The following CACNA1A variants were observed in gnomAD, a reference collection of about 807,000 sequenced individuals.
The protein encoded by CACNA1A is calcium voltage-gated channel subunit alpha1 A, also known as voltage-dependent P/Q-type calcium channel subunit alpha-1A.
CACNA1A carries 57 observed loss-of-function variants against 262.4 expected under a neutral mutation model. The observed-to-expected ratio is 0.22, with a 90% CI of 0.18 to 0.27. CACNA1A has a LOEUF of 0.27. Ranked by LOEUF, CACNA1A falls within the 10% of genes least tolerant of loss-of-function variation. CACNA1A has a pLI of 1.00. For missense variants in CACNA1A, 2,526 were observed against 3,562.8 expected, an observed-to-expected ratio of 0.71 and a Z score of 7.41; for synonymous variants, 1,431 against 1,419.3, an observed-to-expected ratio of 1.01 and a Z score of -0.18.
intron 31 of CACNA1A, among the ~76,000 whole-genome samples, chr19:13,237,986 T>C (rs373714370): frequency 3.9e-5 from 6 of 152,118 alleles, no homozygotes; most frequent in African/African-American, 9.6e-5. Context: ...CTTGCAACCA[T>C]GCAAAAAAGC....
rs1050269759 is a variant in CACNA1A, at chr19:13,214,691, C to T, written c.5732-83G>A. ...GGTCAGCTGCAAAGCCATAGGCTCC[C>T]GAGAACGAGACCCCAATCTTTCTGG... On this transcript the variant is annotated intron_variant, in intron 38 of 46. Transcript: ENST00000360228. This position sits in a 1 kb window ranked among gnomAD's most constrained non-coding sequence, Gnocchi z 4.1. 3.6e-4 allele frequency: 379 copies of T among 1,052,938 alleles called. 2 individuals carry two copies. The highest frequency in any genetic ancestry group is 5.0e-4 in the Non-Finnish European group (348 of 697,196). 65.2% of individuals were successfully genotyped at this position (1,052,938 alleles called of 1,614,324 possible).
chr19:13,493,382 T>C (rs962077237), intron 1 of CACNA1A, among the ~76,000 whole-genome samples: 2 of 152,258 alleles, frequency 1.3e-5, no homozygotes, highest in African/African-American at 2.4e-5. Flanking sequence ...TTTAAGATGC[T>C]GAACTGCATC....
chr19:13,298,513 A>G, intron 19 of CACNA1A, 31 bp downstream of exon 19: 1 of 1,514,452 alleles, frequency 6.6e-7, no homozygotes, highest in Non-Finnish European at 8.9e-7. Context: ...TGTTACCGTC[A>G]TTCTGCGGAT....
Position 13,426,602 on chromosome 19 carries a change from G to A in CACNA1A, c.539+26274C>T, listed in dbSNP as rs1004353025. 3.9e-5 allele frequency among the ~76,000 whole-genome samples: 6 copies of A among 152,206 alleles called. No individual in the cohort carries two copies. The East Asian group carries it at 1.2e-3, about 29-fold the overall frequency. ...AGGATTAAAAAAGATCAGACAGCTT[G>A]TAGGAAGAAAACAATTCTAATACTT... On this transcript the variant is annotated intron_variant, in intron 3 of 46. Coordinates refer to ENST00000360228, the MANE Select transcript of CACNA1A (RefSeq NM_001127222.2).
chr19:13,245,215 G>A lies in CACNA1A; in HGVS notation c.4917C>T (p.Gly1639=). The part of the protein sequence containing the change: ...WNIFDFVTVL[G]SITDILVTEF... The stretch of plus-strand genomic sequence containing the variant: ...CAGTCACGAGGATATCGGTGATGCT[G>A]CCCAGAACAGTCACAAAGTCGAAGA... Residue 1639 remains glycine, a synonymous_variant, in exon 31 of 47, where the codon GGC becomes GGT. Transcript: ENST00000360228. The A allele has an allele frequency of 6.2e-6, 10 of 1,613,918 alleles. No individual in the cohort carries two copies. Among genetic ancestry groups the A allele is most frequent in the Non-Finnish European group, 8.5e-6 (10 of 1,179,802 alleles).
At chr19:13,347,061 T>TTG (rs200068530) in intron 6 of CACNA1A, among the ~76,000 whole-genome samples, 7,913 of 69,016 alleles carry the variant, frequency 0.11, 509 homozygotes, top group East Asian at 0.6. Flanking sequence ...TTTTTTTTGT[T>TTG]TTTTTGTTTT....
In CACNA1A at chr19:13,433,179, G is replaced by A. The variant is rs187172529; in HGVS notation, c.539+19697C>T. Among the ~76,000 whole-genome samples the A allele has an allele frequency of 2.0e-4, 30 of 151,694 alleles. No individual in the cohort carries two copies. The South Asian group carries it at 3.3e-3, about 17-fold the overall frequency. ...GAGGTAGCAGGCACCTGTAATCCCAGCTACTCGAGAGGCTGAGGCAGGAGA... is the reference window on the plus strand; with the variant it reads ...GAGGTAGCAGGCACCTGTAATCCCAACTACTCGAGAGGCTGAGGCAGGAGA... On this transcript the variant is annotated intron_variant, in intron 3 of 46. Coordinates refer to ENST00000360228, the MANE Select transcript of CACNA1A (RefSeq NM_001127222.2).
intron 3 of CACNA1A, among the ~76,000 whole-genome samples, chr19:13,426,062 C>A (rs1469258167): frequency 1.3e-5 from 2 of 151,620 alleles, no homozygotes; most frequent in African/African-American, 2.4e-5. Flanking sequence ...TGTCTCAAAA[C>A]AAAACAAAAC....
chr19:13,468,604 TG>T (rs1352486049), intron 1 of CACNA1A, among the ~76,000 whole-genome samples: 2 of 152,082 alleles, frequency 1.3e-5, no homozygotes, highest in Non-Finnish European at 1.5e-5. Flanking sequence ...TTGGTCAACA[TG>T]GTGAAACCCT....
At chr19:13,411,174 T>C (rs1280430729) in intron 3 of CACNA1A, among the ~76,000 whole-genome samples, 1 of 152,138 alleles carries the variant, frequency 6.6e-6, no homozygotes, top group East Asian at 1.9e-4. Context: ...GCCAACACAA[T>C]ATCTCTATCC....
chr19:13,429,176 AC>A (rs1318440011), intron 3 of CACNA1A, among the ~76,000 whole-genome samples: 17 of 109,072 alleles, frequency 1.6e-4, no homozygotes, highest in Non-Finnish European at 2.7e-4. Context: ...GTACACACAC[AC>A]ACACACACAC....
chr19:13,349,007 C>CAAAAAAAAAAA (rs60884577), intron 6 of CACNA1A, among the ~76,000 whole-genome samples: 1 of 59,670 alleles, frequency 1.7e-5, no homozygotes, highest in African/African-American at 7.0e-5. Flanking sequence ...GACGCTGTCT[C>CAAAAAAAAAAA]AAAAAAAAAA....
intron 22 of CACNA1A, among the ~76,000 whole-genome samples, chr19:13,280,747 T>C (rs1160728869): frequency 4.0e-5 from 6 of 151,682 alleles, no homozygotes; most frequent in East Asian, 2.0e-4. Context: ...TTGAGACCAG[T>C]CTGGCTGATA....
Position 13,214,931 on chromosome 19 carries a change from G to T in CACNA1A, c.5732-323C>A. ...ATGACTTAGGTTACTCTACCACTTA[G>T]TAACTCAGTTTCTCCATCTGTGAAA... On this transcript the variant is annotated intron_variant, in intron 38 of 46. Coordinates refer to ENST00000360228, the MANE Select transcript of CACNA1A (RefSeq NM_001127222.2). This position sits in a 1 kb window ranked among gnomAD's most constrained non-coding sequence, Gnocchi z 4.1. 1 of 296,680 alleles carries T rather than the reference G, an allele frequency of 3.4e-6. No homozygotes were observed. 18.4% of individuals were successfully genotyped at this position (296,680 alleles called of 1,614,324 possible). A position where few individuals can be genotyped will look rare whatever the true frequency, so the allele number is the denominator to read the frequency against.
intron 24 of CACNA1A, chr19:13,275,079 G>A (rs2057113760): frequency 6.6e-6 from 1 of 151,914 alleles, no homozygotes; most frequent in African/African-American, 2.4e-5. Flanking sequence ...GGCCATCTTG[G>A]AATAGCCACC....
intron 1 of CACNA1A, among the ~76,000 whole-genome samples, chr19:13,463,963 C>G (rs2061172859): frequency 6.6e-6 from 1 of 152,148 alleles, no homozygotes; most frequent in African/African-American, 2.4e-5. Context: ...AAAATAGCAT[C>G]AACCTCATAG....
intron 15 of CACNA1A, among the ~76,000 whole-genome samples, chr19:13,306,130 C>T (rs1240758886): frequency 6.6e-6 from 1 of 151,952 alleles, no homozygotes; most frequent in Non-Finnish European, 1.5e-5. Flanking sequence ...TCTTCAACTC[C>T]CTGTCTTGGG....
At chr19:13,464,002 A>C (rs928310726) in intron 1 of CACNA1A, among the ~76,000 whole-genome samples, 2 of 152,222 alleles carry the variant, frequency 1.3e-5, no homozygotes, top group African/African-American at 2.4e-5. Context: ...GAGCTGATAC[A>C]CACAATAATC....
In CACNA1A at chr19:13,404,887, ATTAT is replaced by A. The variant is rs949892119; in HGVS notation, c.540-33112_540-33109del. On this transcript the variant is annotated intron_variant, in intron 3 of 46. Transcript: ENST00000360228. The stretch of plus-strand genomic sequence containing the variant: ...TAGTAAGAATGATGATAAAAATGAT[ATTAT>A]TATTATTACTCATATTATTATTTGA... 6.3e-4 allele frequency among the ~76,000 whole-genome samples: 96 copies of A among 152,168 alleles called. 1 individual carries two copies. Among genetic ancestry groups the A allele is most frequent in the African/African-American group, 2.2e-3 (93 of 41,512 alleles).
Sources: gnomAD v4.1 joint callset for allele counts (sites outside exome capture counted in the v4.1 genomes callset) on GRCh38, gnomAD v4.1.1 for gene constraint, Gnocchi (gnomAD v3.1) non-coding constraint, MANE v1.5 for transcripts, NCBI Gene and HGNC (gene_info 2026-07-23, HGNC 2026-07-21) for gene names.